The following KPNA3 variants were observed in gnomAD, a reference collection of about 807,000 sequenced individuals.
KPNA3 encodes the protein importin subunit alpha-4.
In KPNA3, 13 loss-of-function variants were observed where a neutral mutation model predicts 73.8. That is an observed-to-expected ratio of 0.18 (90% CI 0.11 to 0.28). KPNA3 has a LOEUF of 0.28. Among genes scored for constraint, KPNA3 ranks in the 10% least tolerant of loss-of-function variants. The pLI, the probability that KPNA3 is intolerant of heterozygous loss-of-function variation, is 1.00. For synonymous variants in KPNA3, 186 were observed against 206.9 expected, an observed-to-expected ratio of 0.90 and a Z score of 0.87; for missense variants, 360 against 618.1, an observed-to-expected ratio of 0.58 and a Z score of 4.43.
At chr13:49,703,183 CT>C (rs35282756) in intron 15 of KPNA3, among the ~76,000 whole-genome samples, 103 of 109,206 alleles carry the variant, frequency 9.4e-4, no homozygotes, top group Middle Eastern at 7.8e-3. Context: ...TTCTTTCTTT[CT>C]TTTTTTTTTT....
intron 2 of KPNA3, 45 bp downstream of exon 2, chr13:49,746,904 T>C (rs1290686966): frequency 2.8e-6 from 4 of 1,423,008 alleles, no homozygotes; most frequent in Non-Finnish European, 4.0e-6. Flanking sequence ...AATTTTAACA[T>C]CAGAAAAATC....
At chr13:49,739,394 G>A (rs1436915149) in intron 2 of KPNA3, among the ~76,000 whole-genome samples, 3 of 152,154 alleles carry the variant, frequency 2.0e-5, no homozygotes, top group African/African-American at 7.2e-5. Flanking sequence ...TAAGAGCTCT[G>A]CCATTTATTA....
intron 7 of KPNA3, among the ~76,000 whole-genome samples, chr13:49,723,605 G>A (rs1211407769): frequency 1.3e-5 from 2 of 150,322 alleles, no homozygotes; most frequent in Non-Finnish European, 1.5e-5. Flanking sequence ...GGGCACAGTG[G>A]CTCACACCTA....
At chr13:49,703,183 CTTTTT>C (rs35282756) in intron 15 of KPNA3, among the ~76,000 whole-genome samples, 2 of 109,196 alleles carry the variant, frequency 1.8e-5, no homozygotes, top group Non-Finnish European at 3.6e-5. Context: ...TTCTTTCTTT[CTTTTT>C]TTTTTTTTTT....
chr13:49,711,855 T>C (rs1410631763), intron 10 of KPNA3, among the ~76,000 whole-genome samples: 1 of 152,178 alleles, frequency 6.6e-6, no homozygotes, highest in Non-Finnish European at 1.5e-5. Flanking sequence ...AGGATATAGA[T>C]GAATAAATAA....
chr13:49,758,110 T>C (rs1954727064), intron 1 of KPNA3, among the ~76,000 whole-genome samples: 1 of 151,846 alleles, frequency 6.6e-6, no homozygotes, highest in Non-Finnish European at 1.5e-5. Flanking sequence ...AGAAAATAAC[T>C]AAGAAAGAGA....
At chr13:49,732,038 T>G (rs1954474686) in intron 6 of KPNA3, among the ~76,000 whole-genome samples, 1 of 152,196 alleles carries the variant, frequency 6.6e-6, no homozygotes, top group African/African-American at 2.4e-5. Flanking sequence ...TATAGGCTCA[T>G]AAGCAAAGAG....
intron 1 of KPNA3, among the ~76,000 whole-genome samples, chr13:49,792,237 G>A (rs1594469044): frequency 6.6e-6 from 1 of 151,594 alleles, no homozygotes; most frequent in Non-Finnish European, 1.5e-5. Flanking sequence ...TCGCCGCGCC[G>A]GCAGCTCCGG....
chr13:49,771,119 CA>C (rs34079476), intron 1 of KPNA3, among the ~76,000 whole-genome samples: 27,031 of 120,510 alleles, frequency 0.22, 2,345 homozygotes, highest in Middle Eastern at 0.3. Flanking sequence ...GTTGATATTT[CA>C]AAAAAAAAAA....
chr13:49,780,002 C>T (rs1159223653), intron 1 of KPNA3, among the ~76,000 whole-genome samples: 1 of 152,042 alleles, frequency 6.6e-6, no homozygotes, highest in East Asian at 1.9e-4. Flanking sequence ...CCCTCAGTAC[C>T]ATTTTCACCT....
chr13:49,703,488 T>G (rs1322789193), intron 15 of KPNA3, among the ~76,000 whole-genome samples: 1 of 152,208 alleles, frequency 6.6e-6, no homozygotes, highest in Non-Finnish European at 1.5e-5. Flanking sequence ...CCAATCTTAT[T>G]AATCTTACTG....
intron 11 of KPNA3, among the ~76,000 whole-genome samples, chr13:49,710,328 T>C (rs1954248964): frequency 1.3e-5 from 2 of 152,154 alleles, no homozygotes; most frequent in African/African-American, 4.8e-5. Context: ...AAAGTCACTT[T>C]GGTAAAGCAG....
At chr13:49,711,159 T>A in intron 10 of KPNA3, 137 bp from the exon 11 acceptor site, 1 of 653,380 alleles carries the variant, frequency 1.5e-6, no homozygotes, top group Non-Finnish European at 2.5e-6. Flanking sequence ...TCTGCTTAGC[T>A]GATTAATCTA....
intron 10 of KPNA3, among the ~76,000 whole-genome samples, chr13:49,715,936 A>T (rs1038115484): frequency 6.6e-6 from 1 of 152,268 alleles, no homozygotes; most frequent in African/African-American, 2.4e-5. Flanking sequence ...ACAAAACAGA[A>T]TCCTGTGCAA....
intron 12 of KPNA3, among the ~76,000 whole-genome samples, chr13:49,708,640 G>A (rs924477864): frequency 2.0e-5 from 3 of 152,102 alleles, no homozygotes; most frequent in Middle Eastern, 3.2e-3. Flanking sequence ...TCCATCAACA[G>A]AAGAATGTAA....
At chr13:49,776,625 TAGAA>T (rs1216564640) in intron 1 of KPNA3, among the ~76,000 whole-genome samples, 1 of 152,122 alleles carries the variant, frequency 6.6e-6, no homozygotes, top group African/African-American at 2.4e-5. Flanking sequence ...GTAGAATAAA[TAGAA>T]AAATAACTAT....
intron 1 of KPNA3, among the ~76,000 whole-genome samples, chr13:49,773,856 G>T (rs1276138408): frequency 6.6e-6 from 1 of 152,086 alleles, no homozygotes; most frequent in Non-Finnish European, 1.5e-5. Context: ...AAAGAAAAAA[G>T]AAAGGAAGAA....
At chr13:49,755,420 T>A (rs372764704) in intron 1 of KPNA3, among the ~76,000 whole-genome samples, 1 of 152,206 alleles carries the variant, frequency 6.6e-6, no homozygotes, top group Non-Finnish European at 1.5e-5. Flanking sequence ...CTCTCACCAC[T>A]ATTATTCAAC....
At chr13:49,705,990 T>C in intron 14 of KPNA3, 108 bp downstream of exon 14, 1 of 1,128,444 alleles carries the variant, frequency 8.9e-7, no homozygotes, top group Non-Finnish European at 1.3e-6. Flanking sequence ...TAATAATAAT[T>C]ATCTTTTCCC....
Sources: gnomAD v4.1 joint callset for allele counts (sites outside exome capture counted in the v4.1 genomes callset) on GRCh38, gnomAD v4.1.1 for gene constraint, MANE v1.5 for transcripts, NCBI Gene and HGNC (gene_info 2026-07-23, HGNC 2026-07-21) for gene names.